The following RDH8 variants were observed in gnomAD, a reference collection of about 807,000 sequenced individuals.
The protein encoded by RDH8 is retinol dehydrogenase 8.
Under a neutral mutation model 22.3 loss-of-function variants are expected in RDH8, and 14 were observed. That is an observed-to-expected ratio of 0.63 (90% CI 0.42 to 0.98). The LOEUF (loss-of-function observed/expected upper bound fraction) is 0.98, where lower values mean the gene tolerates loss of function less well. Ranked by LOEUF, RDH8 falls within the 50% of genes least tolerant of loss-of-function variation. RDH8 has a pLI of 0.00. For synonymous variants in RDH8, 175 were observed against 171.7 expected (o/e 1.02, Z -0.15); for missense variants, 389 against 409.8 (o/e 0.95, Z 0.44).
intron 2 of RDH8, among the ~76,000 whole-genome samples, chr19:10,017,685 C>A (rs1210601228): frequency 6.6e-6 from 1 of 151,998 alleles, no homozygotes; most frequent in East Asian, 1.9e-4. Context: ...TCTTGCTCTG[C>A]GCCCAGGCTG....
rs761677789 is a variant in RDH8 at position 10,018,758 on chromosome 19, G to T, written c.290G>T (p.Gly97Val). The change falls in exon 3 of 6, where the codon GGG becomes GTG. Residue 97 changes from glycine to valine, a missense_variant. By Grantham distance (109) the Gly-to-Val change is moderately radical (BLOSUM62 -3). Transcript: ENST00000591589. ...AATAATGCTGGAATGGGCCTGGTGG[G>T]GCCCCTGGAGGGGCTCAGCCTTGCT... ...LVNNAGMGLV[G>V]PLEGLSLAAM... 6.2e-7 allele frequency: 1 copy of T among 1,611,682 alleles called. No homozygotes were observed. The highest frequency in any genetic ancestry group is 1.1e-5 in the South Asian group (1 of 90,726).
At chr19:10,013,828 C>T (rs3786701) in intron 1 of RDH8, among the ~76,000 whole-genome samples, 6,788 of 151,946 alleles carry the variant, frequency 0.045, 276 homozygotes, top group South Asian at 0.17. Context: ...GCCCTCAGGA[C>T]GGGTGTCATG....
In RDH8 at chr19:10,018,711, C is replaced by T. The variant is rs2087637358; in HGVS notation, c.263-20C>T. 1 of 1,579,450 alleles carries T rather than the reference C, an allele frequency of 6.3e-7. No individual in the cohort carries two copies. The highest frequency in any genetic ancestry group is 8.6e-7 in the Non-Finnish European group (1 of 1,158,306). Reference sequence around the variant, plus strand: ...AAGAGTGAGGGACTTTAAGGTAACCCTTAGTACCTCTTCTCTTAGTGAATA... The same window carrying T: ...AAGAGTGAGGGACTTTAAGGTAACCTTTAGTACCTCTTCTCTTAGTGAATA... On this transcript the variant is annotated intron_variant, in intron 2 of 5. Transcript: ENST00000591589.
rs1056905686 is a variant in RDH8 at position 10,016,123 on chromosome 19, T to TCTTA, written c.104-933_104-930dup. Among the ~76,000 whole-genome samples, 6 of 138,878 alleles carry TCTTA rather than the reference T, an allele frequency of 4.3e-5. No homozygotes were observed. The South Asian group carries it at 7.5e-4, about 17-fold the overall frequency. The allele number at this position is 138,878 out of a possible 152,430, so 91.1% of individuals were successfully genotyped here. A position where few individuals can be genotyped will look rare whatever the true frequency, so the allele number is the denominator to read the frequency against. On this transcript the variant is annotated intron_variant, in intron 1 of 5. Coordinates refer to ENST00000591589, the MANE Select transcript of RDH8 (RefSeq NM_015725.4). ...AAATTCCATGAAGGCAGAAACTTTA[T>TCTTA]CTTATTTATTTATTTATTTATTTAT...
In RDH8 at chr19:10,020,978, C is replaced by G. The variant is rs540862486; in HGVS notation, c.536+176C>G. 24 of 644,144 alleles carry G rather than the reference C, an allele frequency of 3.7e-5. No homozygotes were observed. The East Asian group carries it at 6.6e-4, about 18-fold the overall frequency. The allele number at this position is 644,144 out of a possible 1,614,324, so 39.9% of individuals were successfully genotyped here. A position where few individuals can be genotyped will look rare whatever the true frequency, so the allele number is the denominator to read the frequency against. On this transcript the variant is annotated intron_variant, in intron 4 of 5. Coordinates refer to ENST00000591589, the MANE Select transcript of RDH8 (RefSeq NM_015725.4). ...CTTGAGGTCAGGCATTTGAGACCAG[C>G]CTGGGCAACATAGCGAGACCCCCAT...
chr19:10,021,907 T>C lies in RDH8; in HGVS notation c.*158T>C, dbSNP rs2087665465. On this transcript the variant is annotated 3_prime_UTR_variant, in exon 6 of 6. Coordinates refer to ENST00000591589, the MANE Select transcript of RDH8 (RefSeq NM_015725.4). ...GGCTAGAATCCCAGAAGGGCCTTTA[T>C]TTTCAGGCATAGACTCCTCTGTGGT... The C allele has an allele frequency of 1.3e-6, 1 of 778,938 alleles. No homozygotes were observed. The highest frequency in any genetic ancestry group is 1.8e-5 in the South Asian group (1 of 55,046). 48.3% of individuals were successfully genotyped at this position (778,938 alleles called of 1,614,324 possible).
chr19:10,021,518 G>A lies in RDH8; in HGVS notation c.721-16G>A, dbSNP rs542064577. ...GCCCTCCCTGGGTCCCAGCGCTCAGGGCCTCCATTCTGCAGGCCATTGTCA... is the reference window on the plus strand; with the variant it reads ...GCCCTCCCTGGGTCCCAGCGCTCAGAGCCTCCATTCTGCAGGCCATTGTCA... On this transcript the variant is annotated splice_polypyrimidine_tract_variant and intron_variant, in intron 5 of 5. Coordinates refer to ENST00000591589, the MANE Select transcript of RDH8 (RefSeq NM_015725.4). The A allele has an allele frequency of 1.3e-5, 21 of 1,614,032 alleles. No individual in the cohort carries two copies. The South Asian group carries it at 1.6e-4, about 13-fold the overall frequency.
At chr19:10,019,271 C>T (rs2087641250) in intron 3 of RDH8, among the ~76,000 whole-genome samples, 1 of 150,972 alleles carries the variant, frequency 6.6e-6, no homozygotes, top group Admixed American at 6.6e-5. Context: ...GCACTCCAGC[C>T]TAGGCAACAA....
chr19:10,017,058 C>A lies in RDH8; in HGVS notation c.105C>A (p.Val35=). ...CCTGCTTTACTCTCTGCCCCGCAGTCGTGGCCACCATGAGGGACCTGGGGA... is the reference window on the plus strand; with the variant it reads ...CCTGCTTTACTCTCTGCCCCGCAGTAGTGGCCACCATGAGGGACCTGGGGA... The part of the protein sequence containing the change: ...LAHDPKKRYQ[V]VATMRDLGKK... The change falls in exon 2 of 6, where the codon GTC becomes GTA. Residue 35 remains valine (V), a splice_region_variant and synonymous_variant. Coordinates refer to ENST00000591589, the MANE Select transcript of RDH8 (RefSeq NM_015725.4). The A allele has an allele frequency of 6.4e-7, 1 of 1,567,616 alleles. No individual in the cohort carries two copies.
intron 2 of RDH8, among the ~76,000 whole-genome samples, chr19:10,017,963 G>T (rs1045545172): frequency 8.7e-5 from 13 of 150,178 alleles, no homozygotes; most frequent in Admixed American, 6.7e-4. Context: ...AATTTTTTTT[G>T]AGATGGAATT....
In RDH8 at chr19:10,021,868, C is replaced by T; in HGVS notation, c.*119C>T. ...TTCTGCAAACTCCCCCTCCCCTCCT[C>T]TGTGCCTAGACATGGCTAGAATCCC... On this transcript the variant is annotated 3_prime_UTR_variant, in exon 6 of 6. Coordinates refer to ENST00000591589, the MANE Select transcript of RDH8 (RefSeq NM_015725.4). 1 of 1,065,728 alleles carries T rather than the reference C, an allele frequency of 9.4e-7. No homozygotes were observed. The highest frequency in any genetic ancestry group is 2.6e-5 in the East Asian group (1 of 38,660). 66.0% of individuals were successfully genotyped at this position (1,065,728 alleles called of 1,614,324 possible). A position where few individuals can be genotyped will look rare whatever the true frequency, so the allele number is the denominator to read the frequency against.
In RDH8 at chr19:10,021,824, C is replaced by A; in HGVS notation, c.*75C>A. The A allele has an allele frequency of 7.0e-7, 1 of 1,420,392 alleles. No individual in the cohort carries two copies. Among genetic ancestry groups the A allele is most frequent in the Non-Finnish European group, 9.7e-7 (1 of 1,031,718 alleles). 88.0% of individuals were successfully genotyped at this position (1,420,392 alleles called of 1,614,324 possible). ...TTCCACATCTAATTCAAAGGATGAA[C>A]AGACTCTTCATTTATTCATTCTGCA... is the stretch of plus-strand genomic sequence containing the variant. On this transcript the variant is annotated 3_prime_UTR_variant, in exon 6 of 6. Coordinates refer to ENST00000591589, the MANE Select transcript of RDH8 (RefSeq NM_015725.4).
Position 10,021,321 on chromosome 19 carries a change from T to C in RDH8, c.603T>C (p.Ser201=). Residue 201 remains serine, a synonymous_variant, in exon 5 of 6, where the codon TCT becomes TCC. Coordinates refer to ENST00000591589, the MANE Select transcript of RDH8 (RefSeq NM_015725.4). ...AGGGGAAGCTTCTGGCGCAGGTTTC[T>C]ATGGCTGAGTTCCCAGGCACTGACC... The part of the protein sequence containing the change: ...EFEGKLLAQV[S]MAEFPGTDPE... 1 of 1,614,112 alleles carries C rather than the reference T, an allele frequency of 6.2e-7. No homozygotes were observed. Among genetic ancestry groups the C allele is most frequent in the Non-Finnish European group, 8.5e-7 (1 of 1,179,986 alleles).
Position 10,013,523 on chromosome 19 carries a change from T to C in RDH8, c.26T>C (p.Leu9Ser). MAAAPRTV[L>S]ISGCSSGIGL... ...ATGGCCGCTGCACCCCGGACTGTGT[T>C]GATCTCCGGCTGCTCATCAGGAATT... Residue 9 changes from leucine to serine, a missense_variant, in exon 1 of 6, where the codon TTG becomes TCG. Leu to Ser is a moderately radical substitution (Grantham distance 145). Transcript: ENST00000591589. 1 of 1,604,504 alleles carries C rather than the reference T, an allele frequency of 6.2e-7. No individual in the cohort carries two copies. Among genetic ancestry groups the C allele is most frequent in the South Asian group, 1.1e-5 (1 of 90,254 alleles).
chr19:10,020,358 G>GAGGGAGTGAGGGAGGAAGGA (rs760823041), intron 3 of RDH8, among the ~76,000 whole-genome samples: 2 of 134,042 alleles, frequency 1.5e-5, no homozygotes, highest in Admixed American at 7.6e-5. Flanking sequence ...GGGAGGGAGG[G>GAGGGAGTGAGGGAGGAAGGA]AGGAAGGAAG....
At position 10,021,633 on chromosome 19, in the gene RDH8, G is replaced by A; in HGVS notation, c.820G>A (p.Gly274Ser). 1 of 1,613,712 alleles carries A rather than the reference G, an allele frequency of 6.2e-7. No homozygotes were observed. Among genetic ancestry groups the A allele is most frequent in the Non-Finnish European group, 8.5e-7 (1 of 1,179,606 alleles). The change falls in exon 6 of 6, where the codon GGC becomes AGC. Residue 274 changes from glycine (G) to serine (S), a missense_variant. By Grantham distance (56) the Gly-to-Ser change is moderately conservative. Coordinates refer to ENST00000591589, the MANE Select transcript of RDH8 (RefSeq NM_015725.4). The stretch of plus-strand genomic sequence containing the variant: ...CACGCTCAAAACCGTGGATTCCTCT[G>A]GCAGCCTGTATGTGCGAACGACCCA... ...LTTLKTVDSS[G>S]SLYVRTTHRL...
chr19:10,015,611 A>G (rs1180187966), intron 1 of RDH8, among the ~76,000 whole-genome samples: 1 of 150,942 alleles, frequency 6.6e-6, no homozygotes, highest in African/African-American at 2.4e-5. Context: ...CTGGGCACCA[A>G]GAGCGAGACT....
rs376612560 is a variant in RDH8 at position 10,022,141 on chromosome 19, C to A, written c.*392C>A. The A allele has an allele frequency of 2.2e-5, 5 of 222,920 alleles. 1 individual carries two copies. Among genetic ancestry groups the A allele is most frequent in the East Asian group, 1.2e-4 (1 of 8,596 alleles). 13.8% of individuals were successfully genotyped at this position (222,920 alleles called of 1,614,324 possible). A position where few individuals can be genotyped will look rare whatever the true frequency, so the allele number is the denominator to read the frequency against. ...ACACAGGAATGATTCATAGCCCACC[C>A]CCCACCTCCATGCATACACCAGAGC... On this transcript the variant is annotated 3_prime_UTR_variant, in exon 6 of 6. Coordinates refer to ENST00000591589, the MANE Select transcript of RDH8 (RefSeq NM_015725.4).
Position 10,013,483 on chromosome 19 carries a change from A to G in RDH8, c.-15A>G, listed in dbSNP as rs2087584300. The stretch of plus-strand genomic sequence containing the variant: ...GCTGCCCGGCGGAGGTCACGAGTCC[A>G]GGGAGGGGATCAACATGGCCGCTGC... On this transcript the variant is annotated 5_prime_UTR_variant, in exon 1 of 6. Coordinates refer to ENST00000591589, the MANE Select transcript of RDH8 (RefSeq NM_015725.4). 1 of 1,611,352 alleles carries G rather than the reference A, an allele frequency of 6.2e-7. No individual in the cohort carries two copies. The highest frequency in any genetic ancestry group is 1.3e-5 in the African/African-American group (1 of 74,914).
Sources: gnomAD v4.1 joint callset for allele counts (sites outside exome capture counted in the v4.1 genomes callset) on GRCh38, gnomAD v4.1.1 for gene constraint, MANE v1.5 for transcripts, NCBI Gene and HGNC (gene_info 2026-07-23, HGNC 2026-07-21) for gene names.